CDK13: variants seen among roughly 807,000 people sequenced by gnomAD.
CDK13 encodes the protein cyclin-dependent kinase 13.
Under a neutral mutation model 137.6 loss-of-function variants are expected in CDK13, and 40 were observed. The observed-to-expected ratio is 0.29, with a 90% CI of 0.23 to 0.38. The LOEUF is 0.38. Among genes scored for constraint, CDK13 ranks in the 10% least tolerant of loss-of-function variants. The pLI, the probability that CDK13 is intolerant of heterozygous loss-of-function variation, is 1.00. For missense variants in CDK13, 1,704 were observed against 1,951.8 expected (o/e 0.87, Z 2.39); for synonymous variants, 869 against 760.1 (o/e 1.14, Z -2.36).
chr7:39,984,199 T>A (rs1175240070), intron 1 of CDK13: 1 of 152,142 alleles, frequency 6.6e-6, no homozygotes, highest in East Asian at 1.9e-4. Flanking sequence ...GGCAGGAGGA[T>A]CCCTGGAGCC....
intron 9 of CDK13, among the ~76,000 whole-genome samples, chr7:40,068,613 C>T (rs1309762199): frequency 6.7e-6 from 1 of 149,102 alleles, no homozygotes; most frequent in Non-Finnish European, 1.5e-5. Flanking sequence ...AACATCCTGC[C>T]TCAGGTAGCT....
intron 9 of CDK13, among the ~76,000 whole-genome samples, chr7:40,064,785 T>TA (rs1263307132): frequency 6.7e-6 from 1 of 150,084 alleles, no homozygotes. Flanking sequence ...TATGTTACTT[T>TA]TTTTTTTTTT....
At chr7:39,997,040 T>G (rs1784578551) in intron 2 of CDK13, among the ~76,000 whole-genome samples, 1 of 151,908 alleles carries the variant, frequency 6.6e-6, no homozygotes, top group Non-Finnish European at 1.5e-5. Flanking sequence ...TTAGTTGATT[T>G]TCAATTTTAA....
chr7:40,022,082 G>T (rs1432436026), intron 5 of CDK13, among the ~76,000 whole-genome samples: 4 of 152,194 alleles, frequency 2.6e-5, no homozygotes, highest in Non-Finnish European at 5.9e-5. Flanking sequence ...TGGCCTTAAG[G>T]CCTGAAATTT....
At chr7:40,084,166 G>A (rs1786734826) in intron 11 of CDK13, among the ~76,000 whole-genome samples, 2 of 152,102 alleles carry the variant, frequency 1.3e-5, no homozygotes, top group Admixed American at 1.3e-4. Context: ...CCAACATGGT[G>A]AAACCCCGTC....
chr7:40,081,650 A>G (rs1042343446), intron 11 of CDK13, among the ~76,000 whole-genome samples: 1 of 152,240 alleles, frequency 6.6e-6, no homozygotes, highest in Admixed American at 6.5e-5. Context: ...TCTTGATTAA[A>G]TTGTCATTGT....
Position 39,951,327 on chromosome 7 carries a change from C to T in CDK13, c.686C>T (p.Ser229Phe), listed in dbSNP as rs2116061332. ...GGGCAGCGCGGTGGCAGCGAGGCCT[C>T]CAAGTCCCGCAGCCGCCACAGCCAC... ...RDGQRGGSEA[S>F]KSRSRHSHSG... The change falls in exon 1 of 14, where the codon TCC (serine) becomes TTC (phenylalanine). Residue 229 changes from serine (S) to phenylalanine (F), a missense_variant. By Grantham distance (155) the Ser-to-Phe change is radical. Around this residue, in one of 5 missense-constraint regions of CDK13, gnomAD observed 1,051 missense variants for 931.0 expected, o/e 1.13. Coordinates refer to ENST00000181839, the MANE Select transcript of CDK13 (RefSeq NM_003718.5). The T allele has an allele frequency of 7.0e-7, 1 of 1,435,972 alleles. No homozygotes were observed. Among genetic ancestry groups the T allele is most frequent in the South Asian group, 1.4e-5 (1 of 70,050 alleles). 89.0% of individuals were successfully genotyped at this position (1,435,972 alleles called of 1,614,324 possible).
In CDK13 at chr7:40,078,095, T is replaced by C. The variant is rs766948188; in HGVS notation, c.2871T>C (p.Arg957=). Residue 957 remains arginine, a synonymous_variant, in exon 10 of 14, where the codon CGT becomes CGC. Coordinates refer to ENST00000181839, the MANE Select transcript of CDK13 (RefSeq NM_003718.5). ...CCATGAAACCAAAGAAGCAATATCGTCGAAAGTTAAGAGAAGAATTTGTTT... is the reference window on the plus strand; with the variant it reads ...CCATGAAACCAAAGAAGCAATATCGCCGAAAGTTAAGAGAAGAATTTGTTT... ...FNTMKPKKQY[R]RKLREEFVFI... 1 of 1,595,438 alleles carries C rather than the reference T, an allele frequency of 6.3e-7. No individual in the cohort carries two copies. The highest frequency in any genetic ancestry group is 8.5e-7 in the Non-Finnish European group (1 of 1,170,992).
intron 5 of CDK13, among the ~76,000 whole-genome samples, chr7:40,003,198 A>T (rs796773548): frequency 0.19 from 16,329 of 86,718 alleles, 1,200 homozygotes; most frequent in Middle Eastern, 0.24. Flanking sequence ...ACACACACAC[A>T]CACACACACT....
chr7:39,972,773 A>G (rs976016700), intron 1 of CDK13, among the ~76,000 whole-genome samples: 8 of 152,088 alleles, frequency 5.3e-5, no homozygotes, highest in Non-Finnish European at 1.0e-4. Context: ...ATTTGTGTAC[A>G]AGTTTTTGCA....
intron 5 of CDK13, among the ~76,000 whole-genome samples, chr7:40,021,129 A>G (rs1443202521): frequency 6.6e-6 from 1 of 150,656 alleles, no homozygotes; most frequent in East Asian, 2.0e-4. Flanking sequence ...ATATACACAC[A>G]CACACACACA....
At chr7:40,038,894 C>T (rs780119504) in intron 5 of CDK13, among the ~76,000 whole-genome samples, 8 of 152,038 alleles carry the variant, frequency 5.3e-5, no homozygotes, top group Non-Finnish European at 8.8e-5. Flanking sequence ...GGGGTTTCTT[C>T]GTGTTAGTTA....
At chr7:39,991,619 C>T (rs13310480) in intron 2 of CDK13, among the ~76,000 whole-genome samples, 46,897 of 151,570 alleles carry the variant, frequency 0.31, 7,810 homozygotes, top group Middle Eastern at 0.47. Flanking sequence ...CTCATAAATT[C>T]TTTATTTTTA....
chr7:39,965,182 T>G (rs1286475430), intron 1 of CDK13, among the ~76,000 whole-genome samples: 1 of 152,208 alleles, frequency 6.6e-6, no homozygotes, highest in African/African-American at 2.4e-5. Flanking sequence ...ATATCCTTGT[T>G]AACTTTCTGT....
chr7:40,009,671 G>T (rs1396844831), intron 5 of CDK13, among the ~76,000 whole-genome samples: 1 of 152,100 alleles, frequency 6.6e-6, no homozygotes, highest in Non-Finnish European at 1.5e-5. Context: ...TTTAAATTCT[G>T]AAACTTCTTG....
intron 5 of CDK13, among the ~76,000 whole-genome samples, chr7:40,013,542 G>A (rs1054856110): frequency 1.3e-5 from 2 of 152,202 alleles, no homozygotes; most frequent in Non-Finnish European, 1.5e-5. Flanking sequence ...CCATTTATAT[G>A]AAATATCTAG....
chr7:40,040,676 A>G (rs1289220701), intron 5 of CDK13, among the ~76,000 whole-genome samples: 1 of 152,116 alleles, frequency 6.6e-6, no homozygotes, highest in Non-Finnish European at 1.5e-5. Context: ...TTTATAGTTT[A>G]AAGGATTTCT....
intron 1 of CDK13, among the ~76,000 whole-genome samples, chr7:39,965,069 G>A (rs1184840970): frequency 1.3e-5 from 2 of 152,192 alleles, no homozygotes; most frequent in Non-Finnish European, 2.9e-5. Context: ...TGGAATAGGT[G>A]TGGTGTGGTG....
chr7:39,957,783 A>G (rs951454729), intron 1 of CDK13, among the ~76,000 whole-genome samples: 1 of 152,208 alleles, frequency 6.6e-6, no homozygotes, highest in South Asian at 2.1e-4. Context: ...TTCTGAGCAG[A>G]CATTATGTCA....
Sources: gnomAD v4.1 joint callset for allele counts (sites outside exome capture counted in the v4.1 genomes callset) on GRCh38, gnomAD v4.1.1 for gene constraint, gnomAD v4.1.1 regional missense constraint, MANE v1.5 for transcripts, NCBI Gene and HGNC (gene_info 2026-07-23, HGNC 2026-07-21) for gene names.